Variants in MRPS28 observed in about 807,000 individuals in gnomAD.
MRPS28 encodes the protein small ribosomal subunit protein bS1m.
In MRPS28, 7 loss-of-function variants were observed where a neutral mutation model predicts 10.8. The observed-to-expected ratio is 0.65, with a 90% CI of 0.37 to 1.22. MRPS28 has a LOEUF of 1.22. MRPS28 is among the 50% of genes most tolerant of loss of function. The probability of loss-of-function intolerance (pLI) is 0.02; values close to 1 mark genes in which losing one functional copy is unlikely to be tolerated. For missense variants in MRPS28, 265 were observed against 232.9 expected, an observed-to-expected ratio of 1.14 and a Z score of -0.90; for synonymous variants, 121 against 93.3, an observed-to-expected ratio of 1.30 and a Z score of -1.71.
chr8:80,019,509 T>C (rs886239005), intron 1 of MRPS28, among the ~76,000 whole-genome samples: 2 of 151,434 alleles, frequency 1.3e-5, no homozygotes, highest in African/African-American at 4.8e-5. Flanking sequence ...CTAAAGAATA[T>C]CTACAAAAAA....
chr8:80,009,845 G>A (rs560706560), intron 1 of MRPS28, among the ~76,000 whole-genome samples: 1 of 152,070 alleles, frequency 6.6e-6, no homozygotes, highest in South Asian at 2.1e-4. Flanking sequence ...CTGACCATCT[G>A]TAAAAAAATG....
At chr8:79,963,555 C>T (rs1443377203) in intron 2 of MRPS28, among the ~76,000 whole-genome samples, 1 of 152,068 alleles carries the variant, frequency 6.6e-6, no homozygotes, top group Admixed American at 6.6e-5. Context: ...TTCGCAACTT[C>T]GACCCTGGGA....
intron 2 of MRPS28, among the ~76,000 whole-genome samples, chr8:79,920,057 T>TA (rs1320683134): frequency 6.6e-6 from 1 of 151,710 alleles, no homozygotes; most frequent in Non-Finnish European, 1.5e-5. Context: ...TTTTTGTCCT[T>TA]ACGATAGTTT....
At chr8:80,029,764 C>G (rs1809598459) in intron 1 of MRPS28, 1 of 1,491,958 alleles carries the variant, frequency 6.7e-7, no homozygotes, top group South Asian at 1.2e-5. Flanking sequence ...TGGTTACCTT[C>G]CCACCAGCAT....
intron 1 of MRPS28, among the ~76,000 whole-genome samples, chr8:80,006,613 C>A (rs1427818558): frequency 1.3e-5 from 2 of 152,164 alleles, no homozygotes; most frequent in Non-Finnish European, 1.5e-5. Context: ...CACAGAAATA[C>A]AAACTAACAT....
chr8:79,966,173 A>T (rs780695045), intron 2 of MRPS28, among the ~76,000 whole-genome samples: 3 of 152,062 alleles, frequency 2.0e-5, no homozygotes, highest in Non-Finnish European at 2.9e-5. Context: ...CAGAAAAAAG[A>T]AAAGAGCTAC....
chr8:79,979,705 C>T (rs1807899924), intron 2 of MRPS28, among the ~76,000 whole-genome samples: 1 of 151,586 alleles, frequency 6.6e-6, no homozygotes, highest in South Asian at 2.1e-4. Context: ...TGCTTTTTAA[C>T]TACCCTTATG....
At chr8:79,955,166 C>T (rs1178419639) in intron 2 of MRPS28, among the ~76,000 whole-genome samples, 1 of 152,150 alleles carries the variant, frequency 6.6e-6, no homozygotes, top group East Asian at 1.9e-4. Flanking sequence ...CCTGACTGCA[C>T]CCTTGGATTT....
chr8:80,021,440 AAC>A (rs1809363291), intron 1 of MRPS28, among the ~76,000 whole-genome samples: 1 of 152,172 alleles, frequency 6.6e-6, no homozygotes, highest in Non-Finnish European at 1.5e-5. Flanking sequence ...GATAGGGAAA[AAC>A]AGTTACAAAA....
intron 2 of MRPS28, among the ~76,000 whole-genome samples, chr8:79,988,749 G>A (rs2130112953): frequency 6.6e-6 from 1 of 152,240 alleles, no homozygotes; most frequent in African/African-American, 2.4e-5. Flanking sequence ...TCAGACTCCT[G>A]GGTAAATGAA....
Position 79,963,669 on chromosome 8 carries a change from G to C in MRPS28, c.395+39330C>G, listed in dbSNP as rs556201674. On this transcript the variant is annotated intron_variant, in intron 2 of 2. Transcript: ENST00000276585. ...GACACCAGCACAAAGGAAATGAATA[G>C]AGTCCCCCTCAGTTCTCACACAGAG... is the stretch of plus-strand genomic sequence containing the variant. Among the ~76,000 whole-genome samples the C allele has an allele frequency of 3.9e-5, 6 of 152,222 alleles. No homozygotes were observed. In the East Asian group the frequency reaches 5.8e-4, roughly 15 times the overall value.
In MRPS28 at chr8:80,003,196, G is replaced by T. The variant is rs769378831; in HGVS notation, c.214-16C>A. 1 of 1,535,680 alleles carries T rather than the reference G, an allele frequency of 6.5e-7. No homozygotes were observed. Among genetic ancestry groups the T allele is most frequent in the African/African-American group, 1.4e-5 (1 of 71,908 alleles). On this transcript the variant is annotated splice_polypyrimidine_tract_variant and intron_variant, in intron 1 of 2. Transcript: ENST00000276585. ...TTGGAGAACCCTAAATATGAAAAGA[G>T]ATATTTATATACATATAACTCAACA...
At chr8:79,978,692 AC>A (rs1807866924) in intron 2 of MRPS28, among the ~76,000 whole-genome samples, 1 of 152,126 alleles carries the variant, frequency 6.6e-6, no homozygotes, top group Non-Finnish European at 1.5e-5. Context: ...TCTTCACTCC[AC>A]CCCCATCTCT....
intron 2 of MRPS28, among the ~76,000 whole-genome samples, chr8:79,998,358 AATAATT>A (rs943827768): frequency 4.6e-5 from 7 of 152,292 alleles, no homozygotes; most frequent in African/African-American, 1.7e-4. Flanking sequence ...AGAAAAATAT[AATAATT>A]ATAACTTTTG....
At chr8:80,014,809 T>TC in intron 1 of MRPS28, among the ~76,000 whole-genome samples, 1 of 152,154 alleles carries the variant, frequency 6.6e-6, no homozygotes, top group South Asian at 2.1e-4. Flanking sequence ...CAAGATGATT[T>TC]CCCCCCTGCC....
At chr8:79,920,546 T>C (rs150040271) in intron 2 of MRPS28, among the ~76,000 whole-genome samples, 2,559 of 152,366 alleles carry the variant, frequency 0.017, 37 homozygotes, top group Middle Eastern at 0.044. Flanking sequence ...TGGCCAGTGA[T>C]GGTGAACATT....
intron 1 of MRPS28, among the ~76,000 whole-genome samples, chr8:80,012,533 C>T (rs1377555121): frequency 6.6e-6 from 1 of 152,218 alleles, no homozygotes; most frequent in Admixed American, 6.5e-5. Context: ...CATACTGTCA[C>T]CGCTGGATAT....
intron 1 of MRPS28, among the ~76,000 whole-genome samples, chr8:80,029,051 A>C (rs151043693): frequency 2.2e-3 from 335 of 152,308 alleles, no homozygotes; most frequent in African/African-American, 7.8e-3. Context: ...CCTAGAAGCT[A>C]CGGAAAAGAA....
rs199676855 is a variant in MRPS28, at chr8:80,015,938, G to GA, written c.214-12759dup. ...CTTACAGGTAGATGACACAGCTGAGGAAAAAAAAAAACTGTGACTCTGAAG... is the reference window on the plus strand; with the variant it reads ...CTTACAGGTAGATGACACAGCTGAGGAAAAAAAAAAAACTGTGACTCTGAAG... On this transcript the variant is annotated intron_variant, in intron 1 of 2. Coordinates refer to ENST00000276585, the MANE Select transcript of MRPS28 (RefSeq NM_014018.3). 7.7e-3 allele frequency among the ~76,000 whole-genome samples: 1,076 copies of GA among 139,780 alleles called. 12 individuals are homozygous for GA. The highest frequency in any genetic ancestry group is 0.017 in the African/African-American group (655 of 38,204). The allele number at this position is 139,780 out of a possible 152,430, so 91.7% of individuals were successfully genotyped here.
Sources: allele counts gnomAD v4.1 joint callset (sites outside exome capture counted in the v4.1 genomes callset), GRCh38; gene constraint gnomAD v4.1.1; transcripts MANE v1.5; gene names NCBI Gene and HGNC (gene_info 2026-07-23, HGNC 2026-07-21).